MED16: variants seen among roughly 807,000 people sequenced by gnomAD.
The protein encoded by MED16 is mediator complex subunit 16, also known as mediator of RNA polymerase II transcription subunit 16.
MED16 carries 81 observed loss-of-function variants against 84.4 expected under a neutral mutation model. The ratio of observed to expected loss-of-function variants is 0.96; its 90% CI spans 0.80 to 1.15. MED16 has a LOEUF of 1.15. MED16 is among the 50% of genes most tolerant of loss of function. The pLI is 0.00. For synonymous variants in MED16, 897 were observed against 552.2 expected (o/e 1.62, Z -8.76); for missense variants, 1,585 against 1,245.9 (o/e 1.27, Z -4.10).
Position 872,157 on chromosome 19 carries a change from G to T in MED16, c.1906-39C>A, listed in dbSNP as rs763874862. ...GCATCGGTGTGGCTGGGGCGGCGGGGGGCAGATGGCGATGGGATGAAGTGT... is the reference window on the plus strand; with the variant it reads ...GCATCGGTGTGGCTGGGGCGGCGGGTGGCAGATGGCGATGGGATGAAGTGT... On this transcript the variant is annotated intron_variant, in intron 11 of 15. Coordinates refer to ENST00000325464, the MANE Select transcript of MED16 (RefSeq NM_005481.3). The T allele has an allele frequency of 4.5e-6, 7 of 1,557,434 alleles. No homozygotes were observed. In the South Asian group the frequency reaches 8.1e-5, roughly 18 times the overall value.
At chr19:891,494 G>GT (rs1212993274) in intron 1 of MED16, among the ~76,000 whole-genome samples, 1 of 152,038 alleles carries the variant, frequency 6.6e-6, no homozygotes, top group East Asian at 1.9e-4. Flanking sequence ...GCCCAGGTGA[G>GT]TGATGATGGG....
chr19:869,229 C>T (rs961098300), intron 13 of MED16, among the ~76,000 whole-genome samples: 50 of 151,990 alleles, frequency 3.3e-4, no homozygotes, highest in African/African-American at 2.2e-4. Context: ...CACACAGGGA[C>T]GAGGGTCGGT....
intron 6 of MED16, among the ~76,000 whole-genome samples, chr19:882,933 T>C (rs953973217): frequency 2.0e-5 from 3 of 152,158 alleles, no homozygotes; most frequent in Admixed American, 2.0e-4. Context: ...AGAGAGTGGC[T>C]GAGACGCCCA....
intron 1 of MED16, 141 bp downstream of exon 1, chr19:892,945 G>A (rs1352965169): frequency 7.5e-5 from 11 of 147,032 alleles, no homozygotes; most frequent in Middle Eastern, 3.6e-3. Context: ...CGCGCCCCAG[G>A]CCGCCTACCC....
intron 8 of MED16, among the ~76,000 whole-genome samples, chr19:879,410 GTTGTCAATGCCCACCAACC>G: frequency 7.6e-6 from 1 of 132,260 alleles, no homozygotes; most frequent in Middle Eastern, 7.2e-3. Context: ...CCTTTCCCTG[GTTGTCAATGCCCACCAACC>G]CCAGCCCCAC....
In MED16 at chr19:872,979, AGGTG is replaced by A. The variant is rs1568320992; in HGVS notation, c.1905+466_1905+469del. Reference sequence around the variant, plus strand: ...GGCTCCGAGGTGGGGCAGGGCTCCGAGGTGGGGGAGGGCTCCGAGGTGGGGGAGG... The same window carrying A: ...GGCTCCGAGGTGGGGCAGGGCTCCGAGGGGAGGGCTCCGAGGTGGGGGAGG... On this transcript the variant is annotated intron_variant, in intron 11 of 15. Transcript: ENST00000325464. 751 of 185,046 alleles carry A rather than the reference AGGTG, an allele frequency of 4.1e-3. 225 individuals are homozygous for A. Among genetic ancestry groups the A allele is most frequent in the South Asian group, 6.3e-3 (101 of 16,020 alleles). The allele number at this position is 185,046 out of a possible 1,614,324, so 11.5% of individuals were successfully genotyped here.
chr19:868,260 C>T lies in MED16; in HGVS notation c.2484-9G>A, dbSNP rs762616606. On this transcript the variant is annotated splice_polypyrimidine_tract_variant and intron_variant, in intron 15 of 15. Transcript: ENST00000325464. ...CACGGCCTTCAACAGCCCTGCAGGG[C>T]GGGCTGAGGTTAACCGCGCCGAGGA... 7.5e-6 allele frequency: 12 copies of T among 1,592,804 alleles called. No individual in the cohort carries two copies. The highest frequency in any genetic ancestry group is 2.7e-5 in the African/African-American group (2 of 74,616).
At chr19:884,254 G>A (rs898110719) in intron 6 of MED16, among the ~76,000 whole-genome samples, 5 of 152,204 alleles carry the variant, frequency 3.3e-5, no homozygotes, top group East Asian at 1.9e-4. Context: ...AAAACCAAGC[G>A]GCTGTTCTGG....
At chr19:872,160 C>T (rs780780947) in intron 11 of MED16, 42 bp from the exon 12 acceptor site, 2 of 1,540,750 alleles carry the variant, frequency 1.3e-6, no homozygotes, top group Non-Finnish European at 1.8e-6. Flanking sequence ...CGGCGGGGGG[C>T]AGATGGCGAT....
intron 3 of MED16, 37 bp downstream of exon 3, chr19:890,100 G>A: frequency 6.8e-7 from 1 of 1,471,968 alleles, no homozygotes. Context: ...CCGGGATCCG[G>A]GTCGCCACCC....
chr19:876,228 C>G (rs867249335), intron 9 of MED16, among the ~76,000 whole-genome samples: 2 of 152,098 alleles, frequency 1.3e-5, no homozygotes, highest in African/African-American at 4.8e-5. Flanking sequence ...GTGCAGCTGC[C>G]GGCTGAGCTC....
In MED16 at chr19:890,234, G is replaced by T; in HGVS notation, c.180C>A (p.Arg60=). Residue 60 remains arginine, a synonymous_variant, in exon 3 of 16, where the codon CGC becomes CGA. Coordinates refer to ENST00000325464, the MANE Select transcript of MED16 (RefSeq NM_005481.3). ...DLRSDDQDLT[R]MIHILDTEHP... ...GCTCCGTGTCCAGGATGTGGATCATGCGGGTCAGGTCTGTGGGGACGGGGC... is the reference window on the plus strand; with the variant it reads ...GCTCCGTGTCCAGGATGTGGATCATTCGGGTCAGGTCTGTGGGGACGGGGC... The T allele has an allele frequency of 1.9e-6, 3 of 1,550,740 alleles. No individual in the cohort carries two copies. In the South Asian group the frequency reaches 3.6e-5, roughly 18 times the overall value.
chr19:873,646 C>G (rs1374709029), intron 10 of MED16, 64 bp from the exon 11 acceptor site: 2 of 1,586,644 alleles, frequency 1.3e-6, no homozygotes, highest in East Asian at 2.2e-5. Flanking sequence ...CCTAACTGCA[C>G]CCCTCGGTCC....
intron 6 of MED16, among the ~76,000 whole-genome samples, 182 bp from the exon 7 acceptor site, chr19:881,896 C>T (rs905901631): frequency 6.6e-6 from 1 of 152,228 alleles, no homozygotes; most frequent in Non-Finnish European, 1.5e-5. Flanking sequence ...GCCTCGGCCA[C>T]TCATTGGTTC....
chr19:868,741 C>T (rs1284790181), intron 14 of MED16, 122 bp downstream of exon 14: 3 of 1,171,220 alleles, frequency 2.6e-6, no homozygotes, highest in Non-Finnish European at 3.6e-6. Flanking sequence ...CTCCAACACT[C>T]CCTCTGGGAC....
In MED16 at chr19:890,201, C is replaced by T; in HGVS notation, c.213G>A (p.Trp71Ter). 1.9e-6 allele frequency: 3 copies of T among 1,555,054 alleles called. No individual in the cohort carries two copies. Among genetic ancestry groups the T allele is most frequent in the Non-Finnish European group, 2.6e-6 (3 of 1,149,246 alleles). The part of the protein sequence containing the change: ...MIHILDTEHP[W>*]DLHSIPSEHH... ...GCTCTGAGGGGATCGAGTGCAGGTC[C>T]CAGGGGTGCTCCGTGTCCAGGATGT... The change falls in exon 3 of 16, where the codon TGG (tryptophan) becomes TGA (stop). Residue 71 changes from tryptophan to a stop codon, truncating the protein, a stop_gained. Transcript: ENST00000325464. LOFTEE classifies it high-confidence loss of function.
chr19:890,235 C>G lies in MED16; in HGVS notation c.179G>C (p.Arg60Pro), dbSNP rs909348905. The G allele has an allele frequency of 1.9e-6, 3 of 1,547,972 alleles. No individual in the cohort carries two copies. Among genetic ancestry groups the G allele is most frequent in the Non-Finnish European group, 2.6e-6 (3 of 1,145,740 alleles). Residue 60 changes from arginine (R) to proline (P), a missense_variant, in exon 3 of 16, where the codon CGC (arginine) becomes CCC (proline). Arg to Pro is a moderately radical substitution (Grantham distance 103). Coordinates refer to ENST00000325464, the MANE Select transcript of MED16 (RefSeq NM_005481.3). ...CTCCGTGTCCAGGATGTGGATCATGCGGGTCAGGTCTGTGGGGACGGGGCA... is the reference window on the plus strand; with the variant it reads ...CTCCGTGTCCAGGATGTGGATCATGGGGGTCAGGTCTGTGGGGACGGGGCA... The part of the protein sequence containing the change: ...DLRSDDQDLT[R>P]MIHILDTEHP...
rs1364802268 is a variant in MED16 at position 868,135 on chromosome 19, G to A, written c.2600C>T (p.Ser867Phe). ...GTCCTCTGGATGCAGATGGTCCAGGGATCTGGGGGTCCTGGGAGAGTGGTG... is the reference window on the plus strand; with the variant it reads ...GTCCTCTGGATGCAGATGGTCCAGGAATCTGGGGGTCCTGGGAGAGTGGTG... ...STHHSPRTPRSLDHLHPEDRP is the reference protein window; with the variant it reads ...STHHSPRTPRFLDHLHPEDRP Residue 867 changes from serine to phenylalanine, a missense_variant, in exon 16 of 16, where the codon TCC becomes TTC. Coordinates refer to ENST00000325464, the MANE Select transcript of MED16 (RefSeq NM_005481.3). The A allele has an allele frequency of 6.2e-7, 1 of 1,611,890 alleles. No homozygotes were observed. Among genetic ancestry groups the A allele is most frequent in the Non-Finnish European group, 8.5e-7 (1 of 1,179,620 alleles).
intron 2 of MED16, among the ~76,000 whole-genome samples, chr19:890,585 A>G (rs1399101384): frequency 6.6e-6 from 1 of 152,190 alleles, no homozygotes; most frequent in Non-Finnish European, 1.5e-5. Flanking sequence ...ATGACCACGT[A>G]TTATGAGTGC....
Sources: gnomAD v4.1 joint callset for allele counts (sites outside exome capture counted in the v4.1 genomes callset) on GRCh38, gnomAD v4.1.1 for gene constraint, MANE v1.5 for transcripts, NCBI Gene and HGNC (gene_info 2026-07-23, HGNC 2026-07-21) for gene names.